ELOVL5: variants seen among roughly 807,000 people sequenced by gnomAD.
The protein encoded by ELOVL5 is very long chain fatty acid elongase 5.
ELOVL5 carries 8 observed loss-of-function variants against 38.6 expected under a neutral mutation model. The observed-to-expected ratio is 0.21, with a 90% CI of 0.12 to 0.37. ELOVL5 has a LOEUF of 0.37. ELOVL5 is among the 10% of genes least tolerant of loss of function. The pLI is 1.00. For synonymous variants in ELOVL5, 127 were observed against 133.7 expected, an observed-to-expected ratio of 0.95 and a Z score of 0.34; for missense variants, 280 against 367.8, an observed-to-expected ratio of 0.76 and a Z score of 1.95.
chr6:53,298,904 G>GT (rs1012621246), intron 1 of ELOVL5, among the ~76,000 whole-genome samples: 1 of 149,642 alleles, frequency 6.7e-6, no homozygotes, highest in Admixed American at 6.7e-5. Flanking sequence ...GCAAGGCGGG[G>GT]GGGGGGAGTT....
intron 1 of ELOVL5, among the ~76,000 whole-genome samples, chr6:53,334,129 T>A (rs973620143): frequency 6.6e-6 from 1 of 152,204 alleles, no homozygotes; most frequent in Non-Finnish European, 1.5e-5. Context: ...TGTAAACATG[T>A]CTAAAAAAGT....
At chr6:53,273,654 A>C (rs1766007144) in intron 5 of ELOVL5, among the ~76,000 whole-genome samples, 1 of 152,218 alleles carries the variant, frequency 6.6e-6, no homozygotes, top group South Asian at 2.1e-4. Context: ...ACCCACTCTC[A>C]GAGACAGCTG....
At chr6:53,280,202 T>C (rs1766298736) in intron 3 of ELOVL5, among the ~76,000 whole-genome samples, 1 of 152,212 alleles carries the variant, frequency 6.6e-6, no homozygotes, top group Non-Finnish European at 1.5e-5. Flanking sequence ...TCTGTCTACC[T>C]TGGGCTTCTG....
At chr6:53,273,753 C>T (rs1561862350) in intron 5 of ELOVL5, among the ~76,000 whole-genome samples, 1 of 152,210 alleles carries the variant, frequency 6.6e-6, no homozygotes, top group Non-Finnish European at 1.5e-5. Context: ...ATGGTTGTTT[C>T]TATACATTTG....
chr6:53,298,901 G>T (rs1333700590), intron 1 of ELOVL5, among the ~76,000 whole-genome samples: 1 of 50,084 alleles, frequency 2.0e-5, no homozygotes, highest in South Asian at 6.2e-4. Context: ...GGGGCAAGGC[G>T]GGGGGGGGGA....
chr6:53,291,955 C>A lies in ELOVL5; in HGVS notation c.67G>T (p.Val23Leu). The A allele has an allele frequency of 6.6e-7, 1 of 1,505,188 alleles. No individual in the cohort carries two copies. Among genetic ancestry groups the A allele is most frequent in the Non-Finnish European group, 8.9e-7 (1 of 1,121,610 alleles). The allele number at this position is 1,505,188 out of a possible 1,614,324, so 93.2% of individuals were successfully genotyped here. The change falls in exon 3 of 8, where the codon GTA becomes TTA. Residue 23 changes from valine to leucine, a missense_variant. Transcript: ENST00000304434. ...TTGTCCAGAAGAAACCATCCTTTTACTCTAGTATCTGAAAAATTAAAAAAA... is the reference window on the plus strand; with the variant it reads ...TTGTCCAGAAGAAACCATCCTTTTAATCTAGTATCTGAAAAATTAAAAAAA... The part of the protein sequence containing the change: ...KALLGPRDTR[V>L]KGWFLLDNYI...
At chr6:53,271,977 A>G (rs1297356350) in intron 6 of ELOVL5, among the ~76,000 whole-genome samples, 2 of 152,222 alleles carry the variant, frequency 1.3e-5, no homozygotes, top group Admixed American at 6.5e-5. Flanking sequence ...CTCCTCAAGT[A>G]TAACAAGGAG....
At chr6:53,292,019 T>A (rs879662547) in intron 2 of ELOVL5, 56 bp from the exon 3 acceptor site, 43 of 1,189,956 alleles carry the variant, frequency 3.6e-5, no homozygotes, top group Non-Finnish European at 4.6e-5. Flanking sequence ...TTTTCAAACG[T>A]TGAAAAAATT....
At chr6:53,287,944 T>C in intron 3 of ELOVL5, 1 of 1,535,578 alleles carries the variant, frequency 6.5e-7, no homozygotes, top group Non-Finnish European at 8.7e-7. Flanking sequence ...CCTTTTGGAC[T>C]GTAACAAACA....
At chr6:53,288,097 T>C (rs1463265771) in intron 3 of ELOVL5, among the ~76,000 whole-genome samples, 3 of 152,158 alleles carry the variant, frequency 2.0e-5, no homozygotes. Flanking sequence ...GAGTTAAAAG[T>C]GGCTTTGATA....
At chr6:53,347,172 T>G (rs1769583094) in intron 1 of ELOVL5, among the ~76,000 whole-genome samples, 1 of 152,224 alleles carries the variant, frequency 6.6e-6, no homozygotes, top group African/African-American at 2.4e-5. Context: ...TATCTGTAAC[T>G]ATCAATAAAA....
At chr6:53,294,695 C>T (rs1374537834) in intron 2 of ELOVL5, among the ~76,000 whole-genome samples, 1 of 152,116 alleles carries the variant, frequency 6.6e-6, no homozygotes, top group Non-Finnish European at 1.5e-5. Flanking sequence ...ATGGATCTAA[C>T]TTATTCTTTT....
intron 3 of ELOVL5, among the ~76,000 whole-genome samples, chr6:53,285,958 T>C (rs923063614): frequency 3.3e-5 from 5 of 152,186 alleles, no homozygotes; most frequent in African/African-American, 9.7e-5. Context: ...TTTAATGCGA[T>C]TGCACACTTA....
At chr6:53,275,373 G>A (rs1404099778) in intron 4 of ELOVL5, 112 bp from the exon 5 acceptor site, 14 of 1,086,606 alleles carry the variant, frequency 1.3e-5, no homozygotes, top group Non-Finnish European at 1.9e-5. Context: ...GGAGAAGCCC[G>A]AGTGCCCCAA....
At position 53,348,863 on chromosome 6, in the gene ELOVL5, C is replaced by T. The variant is rs1469789042; in HGVS notation, c.-55G>A. The T allele has an allele frequency of 4.4e-6, 2 of 457,642 alleles. No individual in the cohort carries two copies. Among genetic ancestry groups the T allele is most frequent in the South Asian group, 3.1e-5 (2 of 65,138 alleles). 28.3% of individuals were successfully genotyped at this position (457,642 alleles called of 1,614,324 possible). ...GCAGCTTTGAGCAGCAGCAAGGCGG[C>T]GGCGGCGGAGGGAGCGCGGGTGGCA... On this transcript the variant is annotated 5_prime_UTR_variant, in exon 1 of 8. Transcript: ENST00000304434.
chr6:53,286,471 G>C (rs1766575003), intron 3 of ELOVL5, among the ~76,000 whole-genome samples: 1 of 152,162 alleles, frequency 6.6e-6, no homozygotes, highest in African/African-American at 2.4e-5. Flanking sequence ...GCTGAGGTGG[G>C]AGGATCGCTT....
At chr6:53,341,203 C>CTTTCAAGTA (rs1769310172) in intron 1 of ELOVL5, among the ~76,000 whole-genome samples, 1 of 152,172 alleles carries the variant, frequency 6.6e-6, no homozygotes, top group Non-Finnish European at 1.5e-5. Flanking sequence ...AACGGTCACC[C>CTTTCAAGTA]TTTCAAGTAT....
chr6:53,343,888 G>A (rs996958989), intron 1 of ELOVL5, among the ~76,000 whole-genome samples: 3 of 152,222 alleles, frequency 2.0e-5, no homozygotes, highest in African/African-American at 7.2e-5. Context: ...GGTGGAAGAA[G>A]CCCAGAAGCC....
intron 1 of ELOVL5, among the ~76,000 whole-genome samples, chr6:53,331,339 T>A (rs1273842416): frequency 1.3e-5 from 2 of 152,062 alleles, no homozygotes; most frequent in East Asian, 1.9e-4. Context: ...AATAAATAAA[T>A]AAAAATTTTT....
Sources: allele counts gnomAD v4.1 joint callset (sites outside exome capture counted in the v4.1 genomes callset), GRCh38; gene constraint gnomAD v4.1.1; transcripts MANE v1.5; gene names NCBI Gene and HGNC (gene_info 2026-07-23, HGNC 2026-07-21).